PREX2: variants seen among roughly 807,000 people sequenced by gnomAD.
PREX2 encodes phosphatidylinositol-3,4,5-trisphosphate dependent Rac exchange factor 2, also known as phosphatidylinositol 3,4,5-trisphosphate-dependent Rac exchanger 2 protein.
PREX2 carries 107 observed loss-of-function variants against 203.2 expected under a neutral mutation model. The ratio of observed to expected loss-of-function variants is 0.53; its 90% CI spans 0.45 to 0.62. The LOEUF (loss-of-function observed/expected upper bound fraction) is 0.62, where lower values mean the gene tolerates loss of function less well. Among genes scored for constraint, PREX2 ranks in the 20% least tolerant of loss-of-function variants. The probability of loss-of-function intolerance (pLI) is 0.00; values close to 1 mark genes in which losing one functional copy is unlikely to be tolerated. For missense variants in PREX2, 1,777 were observed against 1,955.9 expected (o/e 0.91, Z 1.72); for synonymous variants, 672 against 663.6 (o/e 1.01, Z -0.19).
At chr8:68,144,198 T>C (rs1811281232) in intron 33 of PREX2, among the ~76,000 whole-genome samples, 1 of 152,170 alleles carries the variant, frequency 6.6e-6, no homozygotes, top group Non-Finnish European at 1.5e-5. Context: ...CATATAAACT[T>C]TAGAATTAGT....
intron 37 of PREX2, 93 bp from the exon 38 acceptor site, chr8:68,217,522 TG>T: frequency 1.2e-6 from 1 of 847,982 alleles, no homozygotes; most frequent in Non-Finnish European, 2.0e-6. Flanking sequence ...TTATTTTGGC[TG>T]GTGCTTTCTG....
chr8:68,132,265 A>G (rs1265279913), intron 31 of PREX2, among the ~76,000 whole-genome samples: 2 of 151,916 alleles, frequency 1.3e-5, no homozygotes, highest in Non-Finnish European at 2.9e-5. Context: ...ATAGGTGTTT[A>G]GTTTTTTTTC....
chr8:67,959,807 G>T (rs550270442), intron 1 of PREX2, among the ~76,000 whole-genome samples: 2 of 152,198 alleles, frequency 1.3e-5, no homozygotes, highest in East Asian at 3.9e-4. Flanking sequence ...TCCCACACTG[G>T]GACAGTGAGG....
Position 68,099,626 on chromosome 8 carries a change from G to A in PREX2, c.2554-56G>A, listed in dbSNP as rs1219709869. 6 of 1,496,974 alleles carry A rather than the reference G, an allele frequency of 4.0e-6. No homozygotes were observed. In the Middle Eastern group the frequency reaches 5.3e-4, roughly 132 times the overall value. The allele number at this position is 1,496,974 out of a possible 1,614,324, so 92.7% of individuals were successfully genotyped here. On this transcript the variant is annotated intron_variant, in intron 22 of 39. Transcript: ENST00000288368. Reference sequence around the variant, plus strand: ...CTTGTTTCGTTTTGTTTTTCTATGTGTGTGTCTGTATGTGTGTTTGTGTGT... The same window carrying A: ...CTTGTTTCGTTTTGTTTTTCTATGTATGTGTCTGTATGTGTGTTTGTGTGT...
chr8:68,095,534 T>TACATAC (rs1410235506), intron 21 of PREX2, among the ~76,000 whole-genome samples: 4 of 146,226 alleles, frequency 2.7e-5, no homozygotes, highest in Admixed American at 6.8e-5. Flanking sequence ...CATACATACA[T>TACATAC]ATATGTGTGT....
Position 68,118,645 on chromosome 8 carries a change from G to C in PREX2, c.3421+1G>C. 1.9e-6 allele frequency: 3 copies of C among 1,611,010 alleles called. No homozygotes were observed. The highest frequency in any genetic ancestry group is 2.5e-6 in the Non-Finnish European group (3 of 1,177,194). On this transcript the variant is annotated splice_donor_variant, in intron 27 of 39. Coordinates refer to ENST00000288368, the MANE Select transcript of PREX2 (RefSeq NM_024870.4). LOFTEE classifies it high-confidence loss of function. The stretch of plus-strand genomic sequence containing the variant: ...TTCCACAGTGATGAAATGGACTCAG[G>C]TGTGTTCGTTGGTGAAGGCCTGTGG...
At chr8:67,969,006 T>G (rs1805850485) in intron 1 of PREX2, among the ~76,000 whole-genome samples, 1 of 152,216 alleles carries the variant, frequency 6.6e-6, no homozygotes, top group Admixed American at 6.5e-5. Context: ...AGCTCTTACT[T>G]GGAGGCTTTG....
chr8:68,147,513 T>A (rs1010438296), intron 34 of PREX2, among the ~76,000 whole-genome samples: 1 of 152,178 alleles, frequency 6.6e-6, no homozygotes, highest in African/African-American at 2.4e-5. Context: ...TCTCCTCTTA[T>A]CTGCCACCAT....
intron 1 of PREX2, among the ~76,000 whole-genome samples, chr8:67,968,235 G>A: frequency 6.6e-6 from 1 of 152,050 alleles, no homozygotes; most frequent in Non-Finnish European, 1.5e-5. Flanking sequence ...CAGCGACTGG[G>A]GAGGGGAAAG....
chr8:68,201,236 A>C (rs35122461), intron 37 of PREX2, among the ~76,000 whole-genome samples: 2,888 of 152,292 alleles, frequency 0.019, 43 homozygotes, highest in Middle Eastern at 0.041. Flanking sequence ...GAGGGAAGAA[A>C]TATGAGTATC....
chr8:67,971,390 T>C (rs1006297169), intron 1 of PREX2, among the ~76,000 whole-genome samples: 2 of 152,110 alleles, frequency 1.3e-5, no homozygotes, highest in African/African-American at 4.8e-5. Context: ...AATCTCAGGG[T>C]GCGGGGAGAG....
intron 34 of PREX2, among the ~76,000 whole-genome samples, chr8:68,156,278 T>C (rs1811542969): frequency 6.6e-6 from 1 of 152,176 alleles, no homozygotes; most frequent in African/African-American, 2.4e-5. Context: ...TTGCCTAGGC[T>C]AGTTTTGAAC....
At chr8:68,134,388 C>A in intron 32 of PREX2, 112 bp downstream of exon 32, 3 of 778,788 alleles carry the variant, frequency 3.9e-6, no homozygotes, top group Middle Eastern at 3.8e-4. Context: ...TATGAATGTG[C>A]GTGCATTCAG....
intron 21 of PREX2, among the ~76,000 whole-genome samples, chr8:68,095,709 T>G (rs1810049607): frequency 6.6e-6 from 1 of 151,790 alleles, no homozygotes; most frequent in Non-Finnish European, 1.5e-5. Flanking sequence ...CTATTATAGT[T>G]TACTGCAACC....
chr8:68,007,886 G>A (rs1056471304), intron 1 of PREX2, among the ~76,000 whole-genome samples: 35 of 152,184 alleles, frequency 2.3e-4, no homozygotes, highest in African/African-American at 7.5e-4. Flanking sequence ...TGGGATTACA[G>A]GCATGAGCCA....
chr8:68,114,096 A>T (rs1810592088), intron 25 of PREX2, among the ~76,000 whole-genome samples: 2 of 152,094 alleles, frequency 1.3e-5, no homozygotes, highest in Admixed American at 6.6e-5. Flanking sequence ...TCCTGACCTC[A>T]CGTGATCCAC....
Position 68,109,357 on chromosome 8 carries a change from GGTT to G in PREX2, c.2939-55_2939-53del, listed in dbSNP as rs1005715496. ...AAAATAAATGAAATTAATTGGACTGGGTTGTTATCGCAAGTTAAAGGTGATACA... is the reference window on the plus strand; with the variant it reads ...AAAATAAATGAAATTAATTGGACTGGGTTATCGCAAGTTAAAGGTGATACA... On this transcript the variant is annotated intron_variant, in intron 24 of 39. Coordinates refer to ENST00000288368, the MANE Select transcript of PREX2 (RefSeq NM_024870.4). 1.2e-5 allele frequency: 15 copies of G among 1,244,446 alleles called. No individual in the cohort carries two copies. The Admixed American group carries it at 2.5e-4, about 21-fold the overall frequency. The allele number at this position is 1,244,446 out of a possible 1,614,324, so 77.1% of individuals were successfully genotyped here.
intron 1 of PREX2, among the ~76,000 whole-genome samples, chr8:67,970,489 A>G (rs1334034418): frequency 6.6e-6 from 1 of 152,116 alleles, no homozygotes; most frequent in Admixed American, 6.5e-5. Context: ...GATGGAACTA[A>G]TTTTCAAATA....
chr8:68,055,765 G>C, intron 9 of PREX2, 65 bp from the exon 10 acceptor site: 3 of 1,453,170 alleles, frequency 2.1e-6, no homozygotes, highest in Non-Finnish European at 2.9e-6. Flanking sequence ...GCTTAATGAA[G>C]CCATAACTGA....
Sources: gnomAD v4.1 joint callset for allele counts (sites outside exome capture counted in the v4.1 genomes callset) on GRCh38, gnomAD v4.1.1 for gene constraint, MANE v1.5 for transcripts, NCBI Gene and HGNC (gene_info 2026-07-23, HGNC 2026-07-21) for gene names.